APBA2: variants seen among roughly 807,000 people sequenced by gnomAD.
APBA2 encodes amyloid-beta A4 precursor protein-binding family A member 2.
A neutral mutation model predicts 75.0 loss-of-function variants in APBA2; 30 were observed. That is an observed-to-expected ratio of 0.40 (90% CI 0.30 to 0.54). The LOEUF is 0.54. Ranked by LOEUF, APBA2 falls within the 20% of genes least tolerant of loss-of-function variation. The pLI, the probability that APBA2 is intolerant of heterozygous loss-of-function variation, is 0.49. For synonymous variants in APBA2, 444 were observed against 409.6 expected (o/e 1.08, Z -1.01); for missense variants, 801 against 1,016.1 (o/e 0.79, Z 2.88).
intron 1 of APBA2, among the ~76,000 whole-genome samples, chr15:28,915,951 A>G (rs2033671035): frequency 6.6e-6 from 1 of 151,800 alleles, no homozygotes; most frequent in South Asian, 2.1e-4. Context: ...CTCACTACCC[A>G]CCACATCACA....
intron 1 of APBA2, among the ~76,000 whole-genome samples, chr15:28,896,549 G>T (rs1338528024): frequency 6.6e-6 from 1 of 152,212 alleles, no homozygotes; most frequent in African/African-American, 2.4e-5. Context: ...AAAGTGCTGG[G>T]ATTACAGGCA....
At chr15:29,112,338 TG>T (rs2044779494) in intron 13 of APBA2, among the ~76,000 whole-genome samples, 1 of 152,192 alleles carries the variant, frequency 6.6e-6, no homozygotes, top group Admixed American at 6.5e-5. Context: ...CTGTGGCAGG[TG>T]GCAATGCTTA....
intron 3 of APBA2, among the ~76,000 whole-genome samples, chr15:29,019,221 C>A (rs2152827383): frequency 6.6e-6 from 1 of 152,306 alleles, no homozygotes; most frequent in East Asian, 1.9e-4. Flanking sequence ...TCTCCCTTTC[C>A]CCCTCCTGTT....
At chr15:28,917,972 C>T (rs2152663327) in intron 1 of APBA2, among the ~76,000 whole-genome samples, 1 of 152,322 alleles carries the variant, frequency 6.6e-6, no homozygotes, top group East Asian at 1.9e-4. Flanking sequence ...TTGCTCCTTT[C>T]ACCTGCCTAC....
At chr15:28,980,005 G>A (rs1469912891) in intron 2 of APBA2, among the ~76,000 whole-genome samples, 1 of 152,196 alleles carries the variant, frequency 6.6e-6, no homozygotes, top group Non-Finnish European at 1.5e-5. Context: ...GAGATTTTCC[G>A]TAAGCACAGT....
chr15:28,905,340 T>C (rs535424125), intron 1 of APBA2, among the ~76,000 whole-genome samples: 2 of 152,380 alleles, frequency 1.3e-5, no homozygotes, highest in African/African-American at 4.8e-5. Context: ...AATTGGACTT[T>C]GAAGCAAGCT....
intron 3 of APBA2, among the ~76,000 whole-genome samples, chr15:29,026,174 G>C (rs149266105): frequency 6.6e-6 from 1 of 152,108 alleles, no homozygotes; most frequent in Non-Finnish European, 1.5e-5. Context: ...TGTATGGCCC[G>C]TGTTCCATAG....
chr15:28,925,191 C>A (rs2034193131), intron 2 of APBA2, among the ~76,000 whole-genome samples: 1 of 152,098 alleles, frequency 6.6e-6, no homozygotes, highest in Admixed American at 6.6e-5. Flanking sequence ...ATTGATTTTT[C>A]TAATGTTGAA....
intron 3 of APBA2, among the ~76,000 whole-genome samples, chr15:29,047,351 C>T (rs982747891): frequency 6.6e-6 from 1 of 152,118 alleles, no homozygotes; most frequent in Non-Finnish European, 1.5e-5. Flanking sequence ...CATTAGCCAG[C>T]GCTAGCATTG....
At chr15:29,010,557 C>T (rs1291548096) in intron 3 of APBA2, among the ~76,000 whole-genome samples, 2 of 152,120 alleles carry the variant, frequency 1.3e-5, no homozygotes, top group African/African-American at 2.4e-5. Context: ...CACACCCGGC[C>T]GGGAGTTCTT....
At chr15:28,900,528 C>CA (rs1476715085) in intron 1 of APBA2, among the ~76,000 whole-genome samples, 1 of 152,210 alleles carries the variant, frequency 6.6e-6, no homozygotes, top group Non-Finnish European at 1.5e-5. Context: ...GCTGTCCCGA[C>CA]AGACTCTCCC....
At chr15:28,908,168 T>G (rs910186091) in intron 1 of APBA2, among the ~76,000 whole-genome samples, 2 of 152,076 alleles carry the variant, frequency 1.3e-5, no homozygotes, top group Non-Finnish European at 2.9e-5. Context: ...GGATAAGAGG[T>G]TTTGCATGCT....
chr15:29,111,763 C>G (rs1032101913), intron 13 of APBA2, among the ~76,000 whole-genome samples: 1 of 152,152 alleles, frequency 6.6e-6, no homozygotes, highest in African/African-American at 2.4e-5. Flanking sequence ...CCCTGCAGGC[C>G]AGGGCTCATC....
At chr15:28,954,442 A>G (rs2036056124) in intron 2 of APBA2, among the ~76,000 whole-genome samples, 1 of 152,128 alleles carries the variant, frequency 6.6e-6, no homozygotes, top group Admixed American at 6.5e-5. Flanking sequence ...TAATAACTTT[A>G]TCACCTTCTT....
At chr15:29,076,568 C>T (rs939992095) in intron 6 of APBA2, among the ~76,000 whole-genome samples, 2 of 151,446 alleles carry the variant, frequency 1.3e-5, no homozygotes, top group East Asian at 1.9e-4. Flanking sequence ...CTGTGTCACT[C>T]TTGGGGATGG....
Position 29,101,679 on chromosome 15 carries a change from C to G in APBA2, c.1419C>G (p.Arg473=). Residue 473 remains arginine (R), a synonymous_variant, in exon 10 of 15, where the codon CGC becomes CGG. Transcript: ENST00000683413. The stretch of plus-strand genomic sequence containing the variant: ...ACATTGTAGTGCTGATGGCCAGACG[C>G]CGCATGCCCCGGTCAGCCTCTCAGG... ...IGNIVVLMAR[R]RMPRSASQDC... 1.9e-6 allele frequency: 3 copies of G among 1,613,712 alleles called. No individual in the cohort carries two copies. The highest frequency in any genetic ancestry group is 1.7e-6 in the Non-Finnish European group (2 of 1,180,026).
chr15:29,046,558 C>G lies in APBA2; in HGVS notation c.-40-7287C>G, dbSNP rs1207377188. Among the ~76,000 whole-genome samples, 1 of 152,212 alleles carries G rather than the reference C, an allele frequency of 6.6e-6. No homozygotes were observed. The highest frequency in any genetic ancestry group is 1.5e-5 in the Non-Finnish European group (1 of 68,032). On this transcript the variant is annotated intron_variant, in intron 3 of 14. Transcript: ENST00000683413. The surrounding 1 kb of genome is among the most constrained non-coding windows in gnomAD (Gnocchi z 5.0). ...CATTCCCTGGGCCGTCATCAGAGACCTGCAAGCATCTACTTAGGGCAGAGT... is the reference window on the plus strand; with the variant it reads ...CATTCCCTGGGCCGTCATCAGAGACGTGCAAGCATCTACTTAGGGCAGAGT...
chr15:29,029,548 A>G (rs2040385656), intron 3 of APBA2, among the ~76,000 whole-genome samples: 1 of 152,166 alleles, frequency 6.6e-6, no homozygotes, highest in African/African-American at 2.4e-5. Flanking sequence ...TCTTTGTAGC[A>G]GTCTGGGTCC....
In APBA2 at chr15:29,002,663, T is replaced by C. The variant is rs1417203646; in HGVS notation, c.-41+6857T>C. Among the ~76,000 whole-genome samples the C allele has an allele frequency of 4.6e-5, 7 of 152,132 alleles. No individual in the cohort carries two copies. In the South Asian group the frequency reaches 1.5e-3, roughly 32 times the overall value. Reference sequence around the variant, plus strand: ...TGTCCGTTGTTGGATTTGTATTCATTGTTCATCTAAAAGTGATTATGTTGA... The same window carrying C: ...TGTCCGTTGTTGGATTTGTATTCATCGTTCATCTAAAAGTGATTATGTTGA... On this transcript the variant is annotated intron_variant, in intron 3 of 14. Coordinates refer to ENST00000683413, the MANE Select transcript of APBA2 (RefSeq NM_001353788.2).
Sources: gnomAD v4.1 joint callset for allele counts (sites outside exome capture counted in the v4.1 genomes callset) on GRCh38, gnomAD v4.1.1 for gene constraint, Gnocchi (gnomAD v3.1) non-coding constraint, MANE v1.5 for transcripts, NCBI Gene and HGNC (gene_info 2026-07-23, HGNC 2026-07-21) for gene names.